Variants in MTUS2 observed in about 807,000 individuals in gnomAD.
MTUS2 encodes the protein microtubule-associated tumor suppressor candidate 2.
In MTUS2, 40 loss-of-function variants were observed where a neutral mutation model predicts 114.1. That is an observed-to-expected ratio of 0.35 (90% confidence interval 0.27 to 0.46). MTUS2 has a LOEUF of 0.46. MTUS2 is among the 20% of genes least tolerant of loss of function. The pLI is 1.00. For missense variants in MTUS2, 1,679 were observed against 1,705.4 expected (o/e 0.98, Z 0.27); for synonymous variants, 688 against 672.0 (o/e 1.02, Z -0.37).
intron 2 of MTUS2, among the ~76,000 whole-genome samples, chr13:28,993,898 T>A (rs182416689): frequency 3.2e-4 from 49 of 152,168 alleles, no homozygotes; most frequent in Non-Finnish European, 8.8e-5. Context: ...TGTTTATTTT[T>A]ATTTTTATTT....
chr13:29,072,763 A>G (rs939973829), intron 4 of MTUS2, among the ~76,000 whole-genome samples: 1 of 152,226 alleles, frequency 6.6e-6, no homozygotes, highest in African/African-American at 2.4e-5. Flanking sequence ...TATTTATAAC[A>G]TAACAGTTGA....
intron 5 of MTUS2, among the ~76,000 whole-genome samples, chr13:29,198,959 T>C (rs1336743877): frequency 6.6e-6 from 1 of 152,002 alleles, no homozygotes; most frequent in Non-Finnish European, 1.5e-5. Flanking sequence ...AGCTTAAGGA[T>C]ATTTGGGGCT....
At chr13:29,230,524 T>A (rs9551630) in intron 5 of MTUS2, among the ~76,000 whole-genome samples, 24,794 of 152,270 alleles carry the variant, frequency 0.16, 2,277 homozygotes, top group East Asian at 0.4. Context: ...CTAGCTGCTG[T>A]TATTGCTCTC....
intron 2 of MTUS2, among the ~76,000 whole-genome samples, chr13:29,010,852 A>C (rs1317789731): frequency 1.3e-5 from 2 of 152,112 alleles, no homozygotes; most frequent in African/African-American, 2.4e-5. Context: ...GTGTATAGCT[A>C]TGCTAGTCCC....
intron 10 of MTUS2, among the ~76,000 whole-genome samples, chr13:29,482,572 A>G (rs1365002210): frequency 6.6e-6 from 1 of 152,208 alleles, no homozygotes. Flanking sequence ...TGTGCATTGT[A>G]TGTACGCAAA....
chr13:29,326,248 C>T (rs1312981084), intron 7 of MTUS2, among the ~76,000 whole-genome samples: 2 of 152,162 alleles, frequency 1.3e-5, no homozygotes, highest in African/African-American at 4.8e-5. Flanking sequence ...AGCCCCACTG[C>T]AGTTTAAGAG....
chr13:29,285,688 GCAA>G (rs1486284679), intron 6 of MTUS2, among the ~76,000 whole-genome samples: 4 of 152,154 alleles, frequency 2.6e-5, no homozygotes, highest in South Asian at 2.1e-4. Flanking sequence ...CTCGGCAAGA[GCAA>G]CAACAACACA....
intron 8 of MTUS2, among the ~76,000 whole-genome samples, chr13:29,394,558 C>G (rs1873754656): frequency 1.3e-5 from 2 of 152,170 alleles, no homozygotes; most frequent in Non-Finnish European, 2.9e-5. Context: ...TGTCTCTTAT[C>G]AGATCAAAAA....
At chr13:28,983,606 G>A (rs1315816846) in intron 2 of MTUS2, among the ~76,000 whole-genome samples, 1 of 152,146 alleles carries the variant, frequency 6.6e-6, no homozygotes, top group Admixed American at 6.5e-5. Context: ...AAATTTCATG[G>A]ATGGCTTTCA....
At chr13:28,998,513 C>T (rs1293416921) in intron 2 of MTUS2, among the ~76,000 whole-genome samples, 1 of 152,224 alleles carries the variant, frequency 6.6e-6, no homozygotes, top group Non-Finnish European at 1.5e-5. Context: ...TTCTGCCCGT[C>T]ACTTTCAGGT....
chr13:29,468,720 CAG>C (rs372864365), intron 9 of MTUS2, among the ~76,000 whole-genome samples: 113 of 152,214 alleles, frequency 7.4e-4, no homozygotes, highest in African/African-American at 1.3e-3. Context: ...TCTAGTAAAT[CAG>C]GGGGAAAATG....
intron 2 of MTUS2, among the ~76,000 whole-genome samples, chr13:28,984,968 G>T (rs1209138487): frequency 6.6e-6 from 1 of 152,188 alleles, no homozygotes; most frequent in Non-Finnish European, 1.5e-5. Context: ...ATGGATAAGG[G>T]ATTGTGGACT....
chr13:29,021,473 T>C (rs572105957), intron 2 of MTUS2, among the ~76,000 whole-genome samples: 9 of 152,362 alleles, frequency 5.9e-5, no homozygotes, highest in African/African-American at 1.9e-4. Context: ...CTTGCAATCA[T>C]GTTACATGTT....
intron 2 of MTUS2, among the ~76,000 whole-genome samples, chr13:28,997,926 T>C (rs992751140): frequency 6.6e-6 from 1 of 152,226 alleles, no homozygotes; most frequent in Non-Finnish European, 1.5e-5. Context: ...AATTTGATCC[T>C]GTCATTATGA....
intron 5 of MTUS2, among the ~76,000 whole-genome samples, chr13:29,129,063 TGTG>T (rs1176540968): frequency 6.6e-6 from 1 of 152,204 alleles, no homozygotes; most frequent in East Asian, 1.9e-4. Context: ...TTTCTCTAAA[TGTG>T]GTGGCAAGTG....
At chr13:29,398,782 A>G (rs577174414) in intron 8 of MTUS2, among the ~76,000 whole-genome samples, 3 of 152,308 alleles carry the variant, frequency 2.0e-5, no homozygotes, top group African/African-American at 7.2e-5. Context: ...ACCCACACAT[A>G]AACAGCCCAA....
intron 2 of MTUS2, among the ~76,000 whole-genome samples, chr13:28,843,349 T>C (rs900001737): frequency 6.6e-5 from 10 of 152,120 alleles, no homozygotes; most frequent in Non-Finnish European, 1.3e-4. Context: ...AACCCAGCGG[T>C]GTGTACATCT....
chr13:29,066,621 C>T (rs1055418685), intron 4 of MTUS2, among the ~76,000 whole-genome samples: 4 of 152,200 alleles, frequency 2.6e-5, no homozygotes, highest in Non-Finnish European at 4.4e-5. Context: ...GCTGAATGAT[C>T]GCTGTTTTAG....
chr13:29,429,609 GA>G (rs1459346099), intron 8 of MTUS2, among the ~76,000 whole-genome samples: 2 of 152,224 alleles, frequency 1.3e-5, no homozygotes, highest in African/African-American at 4.8e-5. Flanking sequence ...TGAGCTAGCA[GA>G]GGGATTAGGA....
Sources: allele counts gnomAD v4.1 joint callset (sites outside exome capture counted in the v4.1 genomes callset), GRCh38; gene constraint gnomAD v4.1.1; transcripts MANE v1.5; gene names NCBI Gene and HGNC (gene_info 2026-07-23, HGNC 2026-07-21).